Variants in CACNA1C observed in about 807,000 individuals in gnomAD.
CACNA1C encodes the protein voltage-dependent L-type calcium channel subunit alpha-1C.
Under a neutral mutation model 229.0 loss-of-function variants are expected in CACNA1C, and 30 were observed. The observed-to-expected ratio is 0.13, with a 90% CI of 0.10 to 0.18. The LOEUF is 0.18. Among genes scored for constraint, CACNA1C ranks in the 10% least tolerant of loss-of-function variants. CACNA1C has a pLI of 1.00. For synonymous variants in CACNA1C, 1,114 were observed against 1,132.5 expected, an observed-to-expected ratio of 0.98 and a Z score of 0.33; for missense variants, 1,658 against 2,845.0, an observed-to-expected ratio of 0.58 and a Z score of 9.49.
intron 3 of CACNA1C, among the ~76,000 whole-genome samples, chr12:2,437,014 T>C (rs2099141364): frequency 6.6e-6 from 1 of 152,240 alleles, no homozygotes; most frequent in Non-Finnish European, 1.5e-5. Context: ...CAACGAGAGA[T>C]CATAGTGCTT....
chr12:2,054,942 G>A lies in CACNA1C; in HGVS notation c.49+1331G>A, dbSNP rs7303904. On this transcript the variant is annotated intron_variant, in intron 1 of 46. Transcript: ENST00000399655. The surrounding 1 kb of genome is among the most constrained non-coding windows in gnomAD (Gnocchi z 5.5). ...GTTTGCTCCCAGCTCCACCTTTTGGGGACAGGGCCTTCACTCTTTAGAGCC... is the reference window on the plus strand; with the variant it reads ...GTTTGCTCCCAGCTCCACCTTTTGGAGACAGGGCCTTCACTCTTTAGAGCC... Among the ~76,000 whole-genome samples the A allele has an allele frequency of 5.5e-3, 841 of 152,210 alleles. 10 individuals are homozygous for A. The highest frequency in any genetic ancestry group is 0.019 in the African/African-American group (779 of 41,546).
intron 1 of CACNA1C, chr12:1,993,144 T>G: frequency 7.6e-7 from 1 of 1,317,110 alleles, no homozygotes; most frequent in Non-Finnish European, 1.1e-6. Context: ...TTTGTTAAAA[T>G]GCTGACACCC....
chr12:2,162,282 C>T (rs2095908953), intron 3 of CACNA1C, among the ~76,000 whole-genome samples: 1 of 151,854 alleles, frequency 6.6e-6, no homozygotes, highest in Non-Finnish European at 1.5e-5. Flanking sequence ...CCTCCCTGTC[C>T]CCTCCCGCTG....
Position 2,090,310 on chromosome 12 carries a change from C to CTTTTTTTT in CACNA1C, c.50-24896_50-24889dup, listed in dbSNP as rs145675982. Among the ~76,000 whole-genome samples, 69 of 69,194 alleles carry CTTTTTTTT rather than the reference C, an allele frequency of 1.0e-3. 1 individual carries two copies. The highest frequency in any genetic ancestry group is 2.1e-3 in the Admixed American group (9 of 4,298). The allele number at this position is 69,194 out of a possible 152,430, so 45.4% of individuals were successfully genotyped here. ...AATAGTCCATTTTATGGATAGACTA[C>CTTTTTTTT]TTTTTTTTTTTTTTTTTTTTTTTTT... On this transcript the variant is annotated intron_variant, in intron 1 of 46. Transcript: ENST00000399655.
At chr12:2,655,082 A>C (rs1417693992) in intron 33 of CACNA1C, 65 bp from the exon 34 acceptor site, 2 of 969,508 alleles carry the variant, frequency 2.1e-6, no homozygotes, top group Non-Finnish European at 3.3e-6. Flanking sequence ...CCATTGAACA[A>C]TGGTGGGAAA....
chr12:2,593,478 C>G (rs1483827169), intron 19 of CACNA1C, 133 bp downstream of exon 19: 1 of 810,158 alleles, frequency 1.2e-6, no homozygotes, highest in Non-Finnish European at 1.8e-6. Flanking sequence ...TAAACAGGCA[C>G]TCATTTAGGG....
intron 1 of CACNA1C, chr12:1,998,053 A>G: frequency 1.5e-6 from 2 of 1,309,938 alleles, no homozygotes; most frequent in South Asian, 2.7e-5. Context: ...TTCTCATAGA[A>G]TAGGAATTAT....
At chr12:2,027,794 A>G (rs2047587341) in intron 1 of CACNA1C, among the ~76,000 whole-genome samples, 1 of 152,244 alleles carries the variant, frequency 6.6e-6, no homozygotes, top group Non-Finnish European at 1.5e-5. Context: ...ATGAAGTTTT[A>G]TGAAGAATTA....
At chr12:2,407,441 G>A (rs373288545) in intron 3 of CACNA1C, among the ~76,000 whole-genome samples, 3 of 65,050 alleles carry the variant, frequency 4.6e-5, no homozygotes, top group East Asian at 3.7e-4. Context: ...GATAATAGCC[G>A]TCCTGATAAG....
chr12:2,676,793 G>T, intron 39 of CACNA1C: 1 of 199,912 alleles, frequency 5.0e-6, no homozygotes, highest in Non-Finnish European at 1.0e-5. Flanking sequence ...AAAAACAGGA[G>T]ATAATATGTT....
At chr12:2,211,088 T>C (rs955009456) in intron 3 of CACNA1C, among the ~76,000 whole-genome samples, 1 of 152,222 alleles carries the variant, frequency 6.6e-6, no homozygotes, top group Non-Finnish European at 1.5e-5. Context: ...TGTTCTGTGG[T>C]CAAGGAAGGC....
At chr12:2,004,688 C>G (rs1311644246) in intron 1 of CACNA1C, 1 of 506,346 alleles carries the variant, frequency 2.0e-6, no homozygotes. Flanking sequence ...CCGTTTCTTT[C>G]TCCAAGAGCT....
At chr12:1,979,440 T>C (rs1457843285) in intron 1 of CACNA1C, among the ~76,000 whole-genome samples, 1 of 152,018 alleles carries the variant, frequency 6.6e-6, no homozygotes, top group Non-Finnish European at 1.5e-5. Flanking sequence ...GCCTCCCCAG[T>C]AGCTGGGATC....
In CACNA1C at chr12:2,272,240, C is replaced by T. The variant is rs191238473; in HGVS notation, c.477+151810C>T. Among the ~76,000 whole-genome samples the T allele has an allele frequency of 3.9e-5, 6 of 152,296 alleles. No individual in the cohort carries two copies. The East Asian group carries it at 1.2e-3, about 29-fold the overall frequency. ...CACCAGGAAAATCTGTTTATGGGCC[C>T]CATTCTCCTACTTGTTTTCACCTCT... On this transcript the variant is annotated intron_variant, in intron 3 of 46. Coordinates refer to ENST00000399655, the MANE Select transcript of CACNA1C (RefSeq NM_000719.7).
chr12:2,450,930 G>A (rs2099363822), intron 4 of CACNA1C, among the ~76,000 whole-genome samples: 1 of 152,180 alleles, frequency 6.6e-6, no homozygotes. Flanking sequence ...GCAGGAGGAC[G>A]TCGAGATCAT....
intron 1 of CACNA1C, among the ~76,000 whole-genome samples, chr12:1,979,559 G>A (rs1592982102): frequency 6.6e-6 from 1 of 152,214 alleles, no homozygotes; most frequent in Non-Finnish European, 1.5e-5. Flanking sequence ...TGATCCGCCC[G>A]CCTCAGCCTC....
chr12:2,155,524 A>C (rs2095511919), intron 3 of CACNA1C, among the ~76,000 whole-genome samples: 1 of 152,216 alleles, frequency 6.6e-6, no homozygotes, highest in African/African-American at 2.4e-5. Flanking sequence ...TGACTAGAAT[A>C]GCTCAATTGT....
chr12:2,550,190 A>C (rs1483058459), intron 10 of CACNA1C, among the ~76,000 whole-genome samples, 157 bp downstream of exon 10: 9 of 152,152 alleles, frequency 5.9e-5, no homozygotes, highest in African/African-American at 2.2e-4. Context: ...CAAGATGGGG[A>C]GCAGAGGGCC....
At chr12:2,515,950 T>C (rs1433706833) in intron 9 of CACNA1C, among the ~76,000 whole-genome samples, 2 of 152,102 alleles carry the variant, frequency 1.3e-5, no homozygotes, top group Non-Finnish European at 2.9e-5. Flanking sequence ...CCATAGACAC[T>C]GGTGATAGAG....
Sources: gnomAD v4.1 joint callset for allele counts (sites outside exome capture counted in the v4.1 genomes callset) on GRCh38, gnomAD v4.1.1 for gene constraint, Gnocchi (gnomAD v3.1) non-coding constraint, MANE v1.5 for transcripts, NCBI Gene and HGNC (gene_info 2026-07-23, HGNC 2026-07-21) for gene names.